Variants in PCDH9 observed in about 807,000 individuals in gnomAD.
The protein encoded by PCDH9 is protocadherin 9.
In PCDH9, 24 loss-of-function variants were observed where a neutral mutation model predicts 70.6. That is an observed-to-expected ratio of 0.34 (90% CI 0.25 to 0.48). PCDH9 has a LOEUF of 0.48. PCDH9 is among the 20% of genes least tolerant of loss of function. PCDH9 has a pLI of 0.99. For synonymous variants in PCDH9, 562 were observed against 558.5 expected (o/e 1.01, Z -0.09); for missense variants, 1,281 against 1,503.6 (o/e 0.85, Z 2.45).
chr13:67,068,655 T>G (rs1016742379), intron 2 of PCDH9, among the ~76,000 whole-genome samples: 4 of 152,272 alleles, frequency 2.6e-5, no homozygotes, highest in Middle Eastern at 3.4e-3. Context: ...AACCTCAAAC[T>G]CATTTCTGAA....
At chr13:66,733,953 G>A (rs2079110283) in intron 3 of PCDH9, among the ~76,000 whole-genome samples, 1 of 152,090 alleles carries the variant, frequency 6.6e-6, no homozygotes, top group African/African-American at 2.4e-5. Context: ...GAGAGGTCTG[G>A]CCTTTTCCCT....
intron 3 of PCDH9, among the ~76,000 whole-genome samples, chr13:66,842,832 C>G (rs991539888): frequency 2.0e-5 from 3 of 152,136 alleles, no homozygotes; most frequent in Non-Finnish European, 4.4e-5. Context: ...GAGTGATTTT[C>G]TTTTCAGATC....
intron 2 of PCDH9, among the ~76,000 whole-genome samples, chr13:67,169,371 A>T (rs1383593002): frequency 3.3e-5 from 5 of 152,212 alleles, no homozygotes; most frequent in African/African-American, 9.7e-5. Flanking sequence ...TTTAAAAATT[A>T]AGAATTTAAA....
At chr13:66,849,517 T>TATATATAGAGAGAGAGAGAGAGAGAG (rs1272589939) in intron 3 of PCDH9, among the ~76,000 whole-genome samples, 4 of 63,582 alleles carry the variant, frequency 6.3e-5, no homozygotes, top group African/African-American at 3.3e-4. Context: ...TATATATATA[T>TATATATAGAGAGAGAGAGAGAGAGAG]AGAGAGAGAG....
chr13:66,974,710 C>T (rs902634092), intron 2 of PCDH9, among the ~76,000 whole-genome samples: 5 of 151,986 alleles, frequency 3.3e-5, no homozygotes, highest in Non-Finnish European at 1.5e-5. Context: ...AACAATTGAG[C>T]TTAATTACAC....
At chr13:66,873,303 A>G (rs890906905) in intron 3 of PCDH9, among the ~76,000 whole-genome samples, 22 of 152,182 alleles carry the variant, frequency 1.4e-4, no homozygotes, top group Non-Finnish European at 3.2e-4. Context: ...GGGGAATGAC[A>G]TTTTTATATA....
intron 2 of PCDH9, among the ~76,000 whole-genome samples, chr13:67,045,754 ATG>A (rs1171874092): frequency 6.6e-6 from 1 of 152,148 alleles, no homozygotes; most frequent in African/African-American, 2.4e-5. Context: ...ATTGAATATG[ATG>A]TGAGGCTTCG....
chr13:66,728,425 G>A (rs565541943), intron 3 of PCDH9, among the ~76,000 whole-genome samples: 23 of 152,208 alleles, frequency 1.5e-4, no homozygotes, highest in African/African-American at 2.6e-4. Flanking sequence ...ATCCGTTTCC[G>A]AATGTTGTTT....
chr13:66,760,587 T>C (rs1169600160), intron 3 of PCDH9, among the ~76,000 whole-genome samples: 1 of 152,188 alleles, frequency 6.6e-6, no homozygotes, highest in East Asian at 1.9e-4. Flanking sequence ...GTACAAATTG[T>C]TTGTAAAACA....
intron 4 of PCDH9, among the ~76,000 whole-genome samples, chr13:66,447,671 A>G (rs979775993): frequency 1.3e-5 from 2 of 152,176 alleles, no homozygotes; most frequent in African/African-American, 4.8e-5. Context: ...AACTGAAAGC[A>G]TGGTTAGCTA....
intron 4 of PCDH9, among the ~76,000 whole-genome samples, chr13:66,431,657 G>T (rs1181428612): frequency 6.6e-6 from 1 of 151,978 alleles, no homozygotes; most frequent in Non-Finnish European, 1.5e-5. Flanking sequence ...CACAATGTCT[G>T]TCAAACTCAA....
chr13:66,469,251 T>C (rs981121713), intron 4 of PCDH9, among the ~76,000 whole-genome samples: 2 of 152,092 alleles, frequency 1.3e-5, no homozygotes, highest in African/African-American at 4.8e-5. Context: ...ATAAGGGTAG[T>C]AACGTACCTG....
chr13:66,636,112 A>G (rs2077633681), intron 3 of PCDH9, among the ~76,000 whole-genome samples: 1 of 152,106 alleles, frequency 6.6e-6, no homozygotes, highest in Non-Finnish European at 1.5e-5. Context: ...CTAATTTCCA[A>G]CCACACATAT....
intron 4 of PCDH9, among the ~76,000 whole-genome samples, chr13:66,356,328 T>C (rs1442177075): frequency 6.6e-6 from 1 of 152,086 alleles, no homozygotes; most frequent in Non-Finnish European, 1.5e-5. Context: ...TGAAACCCAC[T>C]CTCTAAATAA....
chr13:66,549,969 T>C (rs975516405), intron 4 of PCDH9, among the ~76,000 whole-genome samples: 1 of 152,106 alleles, frequency 6.6e-6, no homozygotes, highest in African/African-American at 2.4e-5. Context: ...CAAACTTGTA[T>C]CAACATTAAT....
chr13:66,811,309 C>A (rs558079131), intron 3 of PCDH9, among the ~76,000 whole-genome samples: 1 of 152,096 alleles, frequency 6.6e-6, no homozygotes, highest in African/African-American at 2.4e-5. Context: ...TGGCCCAAAA[C>A]CGCTGGATTA....
At chr13:66,898,287 G>A (rs769345536) in intron 3 of PCDH9, among the ~76,000 whole-genome samples, 27 of 152,048 alleles carry the variant, frequency 1.8e-4, no homozygotes, top group Non-Finnish European at 2.8e-4. Flanking sequence ...TAACATATAT[G>A]TGTGTGTATA....
chr13:67,091,597 T>A (rs1391831838), intron 2 of PCDH9, among the ~76,000 whole-genome samples: 1 of 152,164 alleles, frequency 6.6e-6, no homozygotes, highest in Admixed American at 6.6e-5. Context: ...GTATTATTGC[T>A]GTGAGATCAT....
chr13:66,925,034 C>T (rs1175575112), intron 2 of PCDH9, among the ~76,000 whole-genome samples: 1 of 151,726 alleles, frequency 6.6e-6, no homozygotes, highest in Non-Finnish European at 1.5e-5. Flanking sequence ...CTGAAACTGT[C>T]AAATTGGAAA....
Sources: allele counts gnomAD v4.1 joint callset (sites outside exome capture counted in the v4.1 genomes callset), GRCh38; gene constraint gnomAD v4.1.1; transcripts MANE v1.5; gene names NCBI Gene and HGNC (gene_info 2026-07-23, HGNC 2026-07-21).